Variants in LINGO2 observed in about 807,000 individuals in gnomAD.
LINGO2 encodes the protein leucine rich repeat and Ig domain containing 2.
LINGO2 carries 14 observed loss-of-function variants against 30.6 expected under a neutral mutation model. The ratio of observed to expected loss-of-function variants is 0.46; its 90% CI spans 0.30 to 0.72. LINGO2 has a LOEUF of 0.72. Ranked by LOEUF, LINGO2 falls within the 30% of genes least tolerant of loss-of-function variation. LINGO2 has a pLI of 0.07. For synonymous variants in LINGO2, 317 were observed against 288.5 expected (o/e 1.10, Z -1.00); for missense variants, 729 against 751.7 (o/e 0.97, Z 0.35).
chr9:29,178,272 C>G, the LINGO2 span, among the ~76,000 whole-genome samples: 1 of 151,900 alleles, frequency 6.6e-6, no homozygotes, highest in Non-Finnish European at 1.5e-5. Flanking sequence ...GGCAGAGTGG[C>G]CTCGAACTCC....
At chr9:28,815,583 A>G in the LINGO2 span, among the ~76,000 whole-genome samples, 1 of 152,054 alleles carries the variant, frequency 6.6e-6, no homozygotes, top group African/African-American at 2.4e-5. Flanking sequence ...TGAAATGTAG[A>G]AAATAGAAGT....
chr9:28,226,385 C>T (rs78040291), intron 4 of LINGO2, among the ~76,000 whole-genome samples: 4,429 of 151,968 alleles, frequency 0.029, 228 homozygotes, highest in African/African-American at 0.1. Context: ...AATGTCTTCC[C>T]AGTCTCTTAT....
chr9:29,147,369 C>T, the LINGO2 span, among the ~76,000 whole-genome samples: 1 of 152,012 alleles, frequency 6.6e-6, no homozygotes, highest in Admixed American at 6.6e-5. Flanking sequence ...GTGATTGAAA[C>T]TGCCCCGCTT....
intron 2 of LINGO2, among the ~76,000 whole-genome samples, chr9:28,383,254 T>TTTTGTGTG (rs1554714265): frequency 5.4e-4 from 40 of 73,710 alleles, no homozygotes; most frequent in African/African-American, 1.3e-3. Context: ...TCACCATTCA[T>TTTTGTGTG]TGTGTGTGTG....
At chr9:28,573,342 A>G (rs1032400798) in intron 1 of LINGO2, among the ~76,000 whole-genome samples, 2 of 152,166 alleles carry the variant, frequency 1.3e-5, no homozygotes, top group African/African-American at 4.8e-5. Flanking sequence ...ACATGTATAC[A>G]CTAATTGCAT....
chr9:28,349,898 T>C (rs1819779813), intron 3 of LINGO2, among the ~76,000 whole-genome samples: 1 of 152,096 alleles, frequency 6.6e-6, no homozygotes, highest in Non-Finnish European at 1.5e-5. Flanking sequence ...CCAGCCAAAC[T>C]AAGCTTCATA....
At chr9:28,239,065 C>T (rs4514065) in intron 4 of LINGO2, among the ~76,000 whole-genome samples, 123,922 of 151,934 alleles carry the variant, frequency 0.82, 50,816 homozygotes, top group African/African-American at 0.89. Flanking sequence ...TCACAGACAT[C>T]TACAACCAAC....
the LINGO2 span, among the ~76,000 whole-genome samples, chr9:28,697,138 C>T: frequency 6.6e-6 from 1 of 152,038 alleles, no homozygotes; most frequent in African/African-American, 2.4e-5. Flanking sequence ...TATTCCTTGA[C>T]TGATTAGAAC....
intron 5 of LINGO2, among the ~76,000 whole-genome samples, chr9:28,003,005 G>C (rs1388913693): frequency 2.0e-5 from 3 of 152,114 alleles, no homozygotes; most frequent in African/African-American, 7.2e-5. Flanking sequence ...CTGGCCACCT[G>C]TGACCCCCAA....
the LINGO2 span, among the ~76,000 whole-genome samples, chr9:28,788,473 C>T: frequency 1.3e-5 from 2 of 152,130 alleles, no homozygotes; most frequent in African/African-American, 4.8e-5. Flanking sequence ...AAAAGGTAGG[C>T]ATTAAAGCTT....
chr9:28,013,300 T>C (rs10968281), intron 4 of LINGO2, among the ~76,000 whole-genome samples: 16,562 of 152,136 alleles, frequency 0.11, 943 homozygotes, highest in African/African-American at 0.13. Flanking sequence ...TTCCTCCTGC[T>C]CCAAGCCTGA....
At chr9:28,299,507 A>G (rs773802787) in intron 3 of LINGO2, among the ~76,000 whole-genome samples, 18 of 152,048 alleles carry the variant, frequency 1.2e-4, no homozygotes, top group Non-Finnish European at 2.4e-4. Context: ...CTCAGTAGGC[A>G]GAGGTCATTA....
At chr9:28,451,167 C>T (rs559938120) in intron 2 of LINGO2, among the ~76,000 whole-genome samples, 2 of 151,814 alleles carry the variant, frequency 1.3e-5, no homozygotes, top group African/African-American at 2.4e-5. Flanking sequence ...CAATATTTCC[C>T]TGTGTTTATA....
chr9:28,563,413 C>T lies in LINGO2; in HGVS notation c.-364-87388G>A, dbSNP rs751949608. ...CAGAAGTCATACAGCTTTCTATTTA[C>T]GTCTAAGTTCAAAACATATTCTGGA... is the stretch of plus-strand genomic sequence containing the variant. On this transcript the variant is annotated intron_variant, in intron 1 of 5. Coordinates refer to ENST00000379992, the Ensembl canonical transcript of LINGO2. Among the ~76,000 whole-genome samples, 5 of 152,208 alleles carry T rather than the reference C, an allele frequency of 3.3e-5. No individual in the cohort carries two copies. In the South Asian group the frequency reaches 8.3e-4, roughly 25 times the overall value.
chr9:28,550,015 A>C (rs575742261), intron 1 of LINGO2, among the ~76,000 whole-genome samples: 1 of 151,976 alleles, frequency 6.6e-6, no homozygotes, highest in East Asian at 1.9e-4. Context: ...ATTGCCATTC[A>C]TTTTTAGATA....
chr9:28,311,597 T>A (rs1200206648), intron 3 of LINGO2, among the ~76,000 whole-genome samples: 3 of 152,174 alleles, frequency 2.0e-5, no homozygotes, highest in Admixed American at 2.0e-4. Flanking sequence ...TCCCATTTGC[T>A]TTTGAAAGAA....
the LINGO2 span, among the ~76,000 whole-genome samples, chr9:29,129,633 G>A: frequency 6.6e-6 from 1 of 152,052 alleles, no homozygotes; most frequent in Non-Finnish European, 1.5e-5. Context: ...AAAAAGATGA[G>A]TGATTGGTGA....
chr9:28,540,860 G>C (rs1251301559), intron 1 of LINGO2, among the ~76,000 whole-genome samples: 2 of 152,092 alleles, frequency 1.3e-5, no homozygotes, highest in Non-Finnish European at 2.9e-5. Context: ...CTTTGCCCAG[G>C]TGTACACCAA....
the LINGO2 span, among the ~76,000 whole-genome samples, chr9:29,139,182 A>C: frequency 2.2e-4 from 33 of 152,236 alleles, no homozygotes; most frequent in Admixed American, 1.7e-3. Flanking sequence ...GAAGAACTGA[A>C]TCCATCCAAC....
Sources: allele counts gnomAD v4.1 joint callset (sites outside exome capture counted in the v4.1 genomes callset), GRCh38; gene constraint gnomAD v4.1.1; transcripts MANE v1.5; gene names NCBI Gene and HGNC (gene_info 2026-07-23, HGNC 2026-07-21).